The following KLC1 variants were observed in gnomAD, a reference collection of about 807,000 sequenced individuals.
The protein encoded by KLC1 is kinesin light chain 1.
Under a neutral mutation model 84.2 loss-of-function variants are expected in KLC1, and 30 were observed. That is an observed-to-expected ratio of 0.36 (90% CI 0.27 to 0.48). The LOEUF (loss-of-function observed/expected upper bound fraction) is 0.48. KLC1 is among the 20% of genes least tolerant of loss of function. The probability of loss-of-function intolerance (pLI) is 0.99; values close to 1 mark genes in which losing one functional copy is unlikely to be tolerated. For synonymous variants in KLC1, 289 were observed against 293.3 expected (o/e 0.99, Z 0.15); for missense variants, 499 against 805.4 (o/e 0.62, Z 4.60).
At chr14:103,698,917 G>C in intron 15 of KLC1, 1 of 1,601,096 alleles carries the variant, frequency 6.2e-7, no homozygotes, top group Non-Finnish European at 8.5e-7. Context: ...GGGCAGCCGA[G>C]GGCAGCCTCT....
chr14:103,682,762 A>C (rs1038612782), intron 13 of KLC1: 1 of 150,870 alleles, frequency 6.6e-6, no homozygotes, highest in Non-Finnish European at 1.5e-5. Flanking sequence ...ATATATATAT[A>C]TATGTATATG....
At position 103,662,940 on chromosome 14, in the gene KLC1, T is replaced by G. The variant is rs908127910; in HGVS notation, c.797+13T>G. On this transcript the variant is annotated intron_variant, in intron 5 of 16. Transcript: ENST00000334553. ...CCTTGGTGTACAGGCTAGTCACTTTTGTTTACCTACTGAATTTTACCTAGA... is the reference window on the plus strand; with the variant it reads ...CCTTGGTGTACAGGCTAGTCACTTTGGTTTACCTACTGAATTTTACCTAGA... 1.3e-6 allele frequency: 2 copies of G among 1,573,640 alleles called. No individual in the cohort carries two copies. Among genetic ancestry groups the G allele is most frequent in the Non-Finnish European group, 1.7e-6 (2 of 1,157,156 alleles).
intron 9 of KLC1, among the ~76,000 whole-genome samples, chr14:103,675,143 C>T (rs941087403): frequency 1.2e-4 from 18 of 151,988 alleles, no homozygotes; most frequent in Non-Finnish European, 8.8e-5. Flanking sequence ...GCCAACATGA[C>T]GAAACCCCAT....
Position 103,696,944 on chromosome 14 carries a change from C to T in KLC1, c.1849-3711C>T, listed in dbSNP as rs543296119. ...CTCCTGTGGTGGGAGTTCCCTGGGACGGGAAGCCCCTCGGCCCCTTCCCTC... is the reference window on the plus strand; with the variant it reads ...CTCCTGTGGTGGGAGTTCCCTGGGATGGGAAGCCCCTCGGCCCCTTCCCTC... On this transcript the variant is annotated intron_variant, in intron 15 of 16. Transcript: ENST00000334553. The T allele has an allele frequency of 2.0e-3, 1,936 of 985,410 alleles. 2 individuals carry two copies. The highest frequency in any genetic ancestry group is 3.2e-3 in the South Asian group (68 of 21,288). The allele number at this position is 985,410 out of a possible 1,614,324, so 61.0% of individuals were successfully genotyped here.
intron 1 of KLC1, among the ~76,000 whole-genome samples, chr14:103,646,171 GT>G (rs2077906978): frequency 6.6e-6 from 1 of 152,160 alleles, no homozygotes; most frequent in Non-Finnish European, 1.5e-5. Context: ...AAATTTGTTA[GT>G]TTGCGTCATA....
At chr14:103,644,938 GTTCTA>G (rs1249691195) in intron 1 of KLC1, among the ~76,000 whole-genome samples, 4 of 150,868 alleles carry the variant, frequency 2.7e-5, no homozygotes, top group African/African-American at 7.3e-5. Context: ...GTTCTTTTCT[GTTCTA>G]TTCTGTTCTT....
At chr14:103,655,151 T>C (rs990116201) in intron 2 of KLC1, among the ~76,000 whole-genome samples, 3 of 151,912 alleles carry the variant, frequency 2.0e-5, no homozygotes, top group Non-Finnish European at 4.4e-5. Flanking sequence ...CACTTGAACC[T>C]GGGAGGCAGA....
At chr14:103,674,221 C>T (rs553832933) in intron 9 of KLC1, among the ~76,000 whole-genome samples, 4 of 152,184 alleles carry the variant, frequency 2.6e-5, no homozygotes, top group Non-Finnish European at 4.4e-5. Context: ...CAAACCATAC[C>T]GTCCATATCA....
At chr14:103,651,738 C>T (rs959931773) in intron 1 of KLC1, among the ~76,000 whole-genome samples, 4 of 152,174 alleles carry the variant, frequency 2.6e-5, no homozygotes, top group African/African-American at 7.2e-5. Flanking sequence ...CAGTGGGTGC[C>T]GTCACACCTC....
chr14:103,694,137 G>A lies in KLC1; in HGVS notation c.1848+1712G>A, dbSNP rs1050852699. 3 of 985,184 alleles carry A rather than the reference G, an allele frequency of 3.0e-6. No individual in the cohort carries two copies. Among genetic ancestry groups the A allele is most frequent in the Non-Finnish European group, 3.6e-6 (3 of 829,646 alleles). 61.0% of individuals were successfully genotyped at this position (985,184 alleles called of 1,614,324 possible). A position where few individuals can be genotyped will look rare whatever the true frequency, so the allele number is the denominator to read the frequency against. On this transcript the variant is annotated intron_variant, in intron 15 of 16. Coordinates refer to ENST00000334553, the MANE Select transcript of KLC1 (RefSeq NM_001394837.1). The surrounding 1 kb of genome is among the most constrained non-coding windows in gnomAD (Gnocchi z 4.5). The stretch of plus-strand genomic sequence containing the variant: ...TTCCTTCCCAGCTGGAGCATCTTCC[G>A]GGTCTCTCTTTCCAAGGTCCCCATG...
At chr14:103,685,600 GT>G in intron 13 of KLC1, 2 of 1,289,276 alleles carry the variant, frequency 1.6e-6, no homozygotes, top group Non-Finnish European at 2.0e-6. Flanking sequence ...CCTCGCCGCG[GT>G]TTCACGTGGG....
chr14:103,695,954 G>T, intron 15 of KLC1: 1 of 985,446 alleles, frequency 1.0e-6, no homozygotes, highest in Non-Finnish European at 1.2e-6. Flanking sequence ...CCATCTGGCG[G>T]TCTGAATTTT....
At chr14:103,636,244 G>A (rs2077036155) in intron 1 of KLC1, among the ~76,000 whole-genome samples, 1 of 151,664 alleles carries the variant, frequency 6.6e-6, no homozygotes, top group Admixed American at 6.6e-5. Context: ...TTTTTGAGAT[G>A]GAGTTTCACT....
At chr14:103,696,164 C>T (rs929247225) in intron 15 of KLC1, 16 of 974,996 alleles carry the variant, frequency 1.6e-5, no homozygotes, top group African/African-American at 9.3e-5. Flanking sequence ...GGCATGGGAG[C>T]GTCTGGATCT....
intron 7 of KLC1, 58 bp downstream of exon 7, chr14:103,670,341 T>G (rs1196943219): frequency 1.2e-5 from 11 of 895,626 alleles, no homozygotes; most frequent in African/African-American, 1.7e-5. Flanking sequence ...TGTGTGTGGT[T>G]TTTTTTTTTT....
chr14:103,662,033 A>G, intron 3 of KLC1, 83 bp from the exon 4 acceptor site: 1 of 864,378 alleles, frequency 1.2e-6, no homozygotes, highest in Non-Finnish European at 1.9e-6. Context: ...TCTTAGTTAA[A>G]ATGTATTTAA....
At chr14:103,661,142 C>T (rs1471149830) in intron 3 of KLC1, among the ~76,000 whole-genome samples, 2 of 152,224 alleles carry the variant, frequency 1.3e-5, no homozygotes, top group African/African-American at 4.8e-5. Flanking sequence ...AGGGGTTCTC[C>T]TGTGGCAGTC....
chr14:103,654,524 G>A, intron 1 of KLC1, 40 bp from the exon 2 acceptor site: 1 of 1,533,296 alleles, frequency 6.5e-7, no homozygotes, highest in Non-Finnish European at 8.8e-7. Context: ...AATGAAACCT[G>A]TAATGAGGGA....
chr14:103,637,050 T>A (rs1262600273), intron 1 of KLC1, among the ~76,000 whole-genome samples: 1 of 151,830 alleles, frequency 6.6e-6, no homozygotes, highest in Non-Finnish European at 1.5e-5. Context: ...TGTTTTTTTT[T>A]TTTCAGATGG....
Sources: allele counts gnomAD v4.1 joint callset (sites outside exome capture counted in the v4.1 genomes callset), GRCh38; gene constraint gnomAD v4.1.1; non-coding constraint Gnocchi (gnomAD v3.1); transcripts MANE v1.5; gene names NCBI Gene and HGNC (gene_info 2026-07-23, HGNC 2026-07-21).